Variants in NDST4 observed in about 807,000 individuals in gnomAD.
NDST4 encodes N-deacetylase and N-sulfotransferase 4, also known as N-heparan sulfate sulfotransferase 4.
Under a neutral mutation model 100.8 loss-of-function variants are expected in NDST4, and 63 were observed. That is an observed-to-expected ratio of 0.62 (90% CI 0.51 to 0.77). NDST4 has a LOEUF of 0.77. Ranked by LOEUF, NDST4 falls within the 30% of genes least tolerant of loss-of-function variation. NDST4 has a pLI of 0.00. For missense variants in NDST4, 943 were observed against 1,018.4 expected (o/e 0.93, Z 1.01); for synonymous variants, 377 against 361.8 (o/e 1.04, Z -0.48).
In NDST4 at chr4:115,089,316, GTAT is replaced by G. The variant is rs1389781177; in HGVS notation, c.-246-12037_-246-12035del. On this transcript the variant is annotated intron_variant, in intron 1 of 13. Coordinates refer to ENST00000264363, the MANE Select transcript of NDST4 (RefSeq NM_022569.3). ...ACAAAATATTGATCGTCTCTGTTTT[GTAT>G]TTTCTATATTATTTCATTTTTTTCA... Among the ~76,000 whole-genome samples the G allele has an allele frequency of 1.4e-4, 21 of 151,810 alleles. No homozygotes were observed. In the East Asian group the frequency reaches 4.1e-3, roughly 29 times the overall value.
chr4:115,076,174 A>G lies in NDST4; in HGVS notation c.863T>C (p.Ile288Thr). ...CAGCCTCTTCCCTGACAAGAAGGAG[A>G]TGGCATCTATGAAGATGAGCTTGTG... ...WLHKLIFIDA[I>T]SFLSGKRLTL... is the part of the protein sequence containing the mutation. The change falls in exon 2 of 14, where the codon ATC (isoleucine) becomes ACC (threonine). Residue 288 changes from isoleucine to threonine, a missense_variant. By Grantham distance (89) the Ile-to-Thr change is moderately conservative. Around this residue, in one of 2 missense-constraint regions of NDST4, gnomAD observed 417 missense variants for 384.2 expected, o/e 1.09. Transcript: ENST00000264363. 1 of 1,613,922 alleles carries G rather than the reference A, an allele frequency of 6.2e-7. No homozygotes were observed. Among genetic ancestry groups the G allele is most frequent in the Admixed American group, 1.7e-5 (1 of 60,002 alleles).
At chr4:115,059,371 C>G (rs1728769912) in intron 2 of NDST4, among the ~76,000 whole-genome samples, 5 of 152,056 alleles carry the variant, frequency 3.3e-5, no homozygotes, top group Admixed American at 2.6e-4. Flanking sequence ...TATCTCCTCT[C>G]CACACTGTGA....
At chr4:115,080,850 AAC>A (rs1283870223) in intron 1 of NDST4, among the ~76,000 whole-genome samples, 1 of 152,088 alleles carries the variant, frequency 6.6e-6, no homozygotes, top group Non-Finnish European at 1.5e-5. Context: ...CCATCCACAC[AAC>A]TCCCCCAAAT....
intron 1 of NDST4, among the ~76,000 whole-genome samples, chr4:115,101,411 A>G (rs981576965): frequency 1.3e-5 from 2 of 152,096 alleles, no homozygotes; most frequent in South Asian, 2.1e-4. Flanking sequence ...AGGATAGAAA[A>G]AAAACCCTAA....
intron 4 of NDST4, among the ~76,000 whole-genome samples, chr4:114,945,870 T>C (rs1725850868): frequency 6.6e-6 from 1 of 152,190 alleles, no homozygotes; most frequent in African/African-American, 2.4e-5. Context: ...TATGTGACCC[T>C]GGAAATTGGC....
At chr4:115,069,040 A>G (rs1388457228) in intron 2 of NDST4, among the ~76,000 whole-genome samples, 2 of 152,134 alleles carry the variant, frequency 1.3e-5, no homozygotes, top group Non-Finnish European at 2.9e-5. Flanking sequence ...CTAACTGAGA[A>G]TTAAGGTCAG....
At chr4:115,052,354 T>C (rs991082606) in intron 2 of NDST4, among the ~76,000 whole-genome samples, 7 of 152,174 alleles carry the variant, frequency 4.6e-5, no homozygotes, top group Non-Finnish European at 1.5e-5. Context: ...AAGAGGTAGA[T>C]ACAAATTTTC....
intron 7 of NDST4, among the ~76,000 whole-genome samples, chr4:114,867,073 T>C (rs1578352851): frequency 6.6e-6 from 1 of 152,298 alleles, no homozygotes; most frequent in East Asian, 1.9e-4. Context: ...TAATAAGCCA[T>C]GTGACTTAGA....
intron 2 of NDST4, among the ~76,000 whole-genome samples, chr4:114,984,141 ACTATTTATTTATTTAT>A (rs1348756336): frequency 7.2e-6 from 1 of 138,578 alleles, no homozygotes; most frequent in African/African-American, 2.7e-5. Flanking sequence ...ACAAACTAAT[ACTATTTATTTATTTAT>A]TTATTTATTT....
At chr4:115,006,128 G>T (rs1433193182) in intron 2 of NDST4, among the ~76,000 whole-genome samples, 1 of 150,110 alleles carries the variant, frequency 6.7e-6, no homozygotes, top group Non-Finnish European at 1.5e-5. Flanking sequence ...AGAAAAAAAA[G>T]AAATAAATAG....
chr4:114,963,660 G>A (rs950404590), intron 4 of NDST4, among the ~76,000 whole-genome samples: 4 of 152,114 alleles, frequency 2.6e-5, no homozygotes, highest in Non-Finnish European at 5.9e-5. Context: ...GTGGTAAGAC[G>A]TCAAATTAGT....
At chr4:114,977,738 T>A (rs977667592) in intron 2 of NDST4, among the ~76,000 whole-genome samples, 2 of 152,004 alleles carry the variant, frequency 1.3e-5, no homozygotes, top group Non-Finnish European at 2.9e-5. Context: ...TTTAAAGGCA[T>A]AATTATTAAA....
Position 114,863,497 on chromosome 4 carries a change from T to C in NDST4, c.1719+7271A>G, listed in dbSNP as rs963800126. Among the ~76,000 whole-genome samples, 3 of 152,252 alleles carry C rather than the reference T, an allele frequency of 2.0e-5. No homozygotes were observed. In the South Asian group the frequency reaches 6.2e-4, roughly 31 times the overall value. On this transcript the variant is annotated intron_variant, in intron 7 of 13. Transcript: ENST00000264363. ...CATTTAATTGCACTTTCTTACTTTG[T>C]TCTGTTTCTATTGTTTTAATTTTTA...
At chr4:114,935,724 T>A (rs1009645292) in intron 5 of NDST4, among the ~76,000 whole-genome samples, 4 of 152,166 alleles carry the variant, frequency 2.6e-5, no homozygotes, top group African/African-American at 9.7e-5. Flanking sequence ...TCCTGCATTG[T>A]AAAGGTATGC....
At chr4:115,046,932 G>GAT (rs149952699) in intron 2 of NDST4, among the ~76,000 whole-genome samples, 2,859 of 152,018 alleles carry the variant, frequency 0.019, 90 homozygotes, top group African/African-American at 0.065. Flanking sequence ...ATATATTGCA[G>GAT]ATAGCCTCAA....
intron 3 of NDST4, among the ~76,000 whole-genome samples, chr4:114,975,601 A>G (rs1578424931): frequency 6.6e-6 from 1 of 152,276 alleles, no homozygotes; most frequent in East Asian, 1.9e-4. Flanking sequence ...CCTCTACAAC[A>G]TTAACTTTGC....
At chr4:114,885,584 C>G (rs1287423037) in intron 6 of NDST4, among the ~76,000 whole-genome samples, 4 of 151,948 alleles carry the variant, frequency 2.6e-5, no homozygotes, top group Non-Finnish European at 5.9e-5. Context: ...AATTTGGTAT[C>G]CTTATAGATT....
At chr4:114,854,262 G>A (rs577653946) in intron 7 of NDST4, among the ~76,000 whole-genome samples, 113 of 152,244 alleles carry the variant, frequency 7.4e-4, no homozygotes, top group Non-Finnish European at 1.2e-3. Flanking sequence ...TTCACTTAAC[G>A]TAATATCCTC....
At chr4:114,900,154 A>G (rs919638961) in intron 6 of NDST4, among the ~76,000 whole-genome samples, 2 of 152,086 alleles carry the variant, frequency 1.3e-5, no homozygotes, top group South Asian at 4.1e-4. Flanking sequence ...TATCCTTACA[A>G]TGTCCATGGT....
Sources: allele counts gnomAD v4.1 joint callset (sites outside exome capture counted in the v4.1 genomes callset), GRCh38; gene constraint gnomAD v4.1.1; regional missense constraint gnomAD v4.1.1; transcripts MANE v1.5; gene names NCBI Gene and HGNC (gene_info 2026-07-23, HGNC 2026-07-21).